The following PNPLA7 variants were observed in gnomAD, a reference collection of about 807,000 sequenced individuals.
The protein encoded by PNPLA7 is patatin-like phospholipase domain-containing protein 7.
In PNPLA7, 153 loss-of-function variants were observed where a neutral mutation model predicts 161.7. That is an observed-to-expected ratio of 0.95 (90% CI 0.83 to 1.08). PNPLA7 has a LOEUF of 1.08. Among genes scored for constraint, PNPLA7 ranks in the 50% least tolerant of loss-of-function variants. PNPLA7 has a pLI of 0.00. For synonymous variants in PNPLA7, 809 were observed against 782.1 expected (o/e 1.03, Z -0.57); for missense variants, 1,739 against 1,856.6 (o/e 0.94, Z 1.16).
chr9:137,502,369 C>T (rs529041965), intron 14 of PNPLA7, among the ~76,000 whole-genome samples: 31 of 151,974 alleles, frequency 2.0e-4, no homozygotes, highest in South Asian at 4.2e-4. Context: ...GGAAAATGAT[C>T]GAAAAACAAA....
In PNPLA7 at chr9:137,541,612, G is replaced by A. The variant is rs571295948; in HGVS notation, c.667-890C>T. 2.1e-6 allele frequency: 1 copy of A among 472,854 alleles called. No homozygotes were observed. Among genetic ancestry groups the A allele is most frequent in the Admixed American group, 6.4e-5 (1 of 15,632 alleles). 29.3% of individuals were successfully genotyped at this position (472,854 alleles called of 1,614,324 possible). On this transcript the variant is annotated intron_variant, in intron 7 of 34. Coordinates refer to ENST00000406427, the MANE Select transcript of PNPLA7 (RefSeq NM_001098537.3). The surrounding 1 kb of genome is among the most constrained non-coding windows in gnomAD (Gnocchi z 4.4). The stretch of plus-strand genomic sequence containing the variant: ...ATGAGAACAAGCAATGGGAAGTCTG[G>A]GTCGCAAACTGCCCAGACAGACAAA...
chr9:137,499,741 A>G lies in PNPLA7; in HGVS notation c.1757+950T>C, dbSNP rs930252925. ...CTCGGGGTCCCCAGGCTGAAGCAGC[A>G]ACGGCGCGGTGCCATTTGCTGGATT... On this transcript the variant is annotated intron_variant, in intron 16 of 34. Coordinates refer to ENST00000406427, the MANE Select transcript of PNPLA7 (RefSeq NM_001098537.3). The surrounding 1 kb of genome is among the most constrained non-coding windows in gnomAD (Gnocchi z 5.5). Among the ~76,000 whole-genome samples the G allele has an allele frequency of 1.3e-5, 2 of 152,188 alleles. No homozygotes were observed. Among genetic ancestry groups the G allele is most frequent in the African/African-American group, 2.4e-5 (1 of 41,432 alleles).
rs976354604 is a variant in PNPLA7, at chr9:137,475,652, G to A, written c.2882+2382C>T. Among the ~76,000 whole-genome samples, 8 of 151,994 alleles carry A rather than the reference G, an allele frequency of 5.3e-5. No homozygotes were observed. In the East Asian group the frequency reaches 1.6e-3, roughly 30 times the overall value. On this transcript the variant is annotated intron_variant, in intron 25 of 34. Coordinates refer to ENST00000406427, the MANE Select transcript of PNPLA7 (RefSeq NM_001098537.3). Reference sequence around the variant, plus strand: ...GCCTCCCAAAGTGCTGGGATTACAGGCGTGAGCCACTGTGCCTGGCTGAGA... The same window carrying A: ...GCCTCCCAAAGTGCTGGGATTACAGACGTGAGCCACTGTGCCTGGCTGAGA...
intron 11 of PNPLA7, among the ~76,000 whole-genome samples, chr9:137,519,195 A>G (rs867655511): frequency 3.3e-5 from 5 of 152,276 alleles, no homozygotes; most frequent in African/African-American, 9.6e-5. Context: ...TTTTGGGAAC[A>G]TGATGGGCTA....
intron 24 of PNPLA7, 93 bp downstream of exon 24, chr9:137,478,963 A>G: frequency 4.3e-6 from 6 of 1,400,094 alleles, no homozygotes; most frequent in Non-Finnish European, 5.7e-6. Context: ...CGCAGGTGTC[A>G]GGGAATCAGG....
intron 33 of PNPLA7, 98 bp downstream of exon 33, chr9:137,461,438 G>A: frequency 7.0e-6 from 9 of 1,290,890 alleles, no homozygotes; most frequent in Non-Finnish European, 9.5e-6. Context: ...GTGGGCGGGA[G>A]GGGAGGCCGT....
rs761257681 is a variant in PNPLA7 at position 137,522,820 on chromosome 9, G to A, written c.785C>T (p.Ala262Val). 16 of 1,613,568 alleles carry A rather than the reference G, an allele frequency of 9.9e-6. No individual in the cohort carries two copies. In the Admixed American group the frequency reaches 1.3e-4, roughly 13 times the overall value. Reference sequence around the variant, plus strand: ...CCGGAGGATGGTGGACGGGATGGCCGCGCGGACGGAGACCGTTTTGTAAGG... The same window carrying A: ...CCGGAGGATGGTGGACGGGATGGCCACGCGGACGGAGACCGTTTTGTAAGG... ...AAPYKTVSVR[A>V]AIPSTILRLP... The change falls in exon 9 of 35, where the codon GCG becomes GTG. Residue 262 changes from alanine to valine, a missense_variant. Physicochemically the swap from Ala to Val is moderately conservative, Grantham distance 64. Coordinates refer to ENST00000406427, the MANE Select transcript of PNPLA7 (RefSeq NM_001098537.3).
chr9:137,492,873 A>C, intron 20 of PNPLA7, 140 bp downstream of exon 20: 1 of 605,288 alleles, frequency 1.7e-6, no homozygotes, highest in Non-Finnish European at 2.7e-6. Flanking sequence ...ATGACAGGGA[A>C]GGGCCATGGA....
chr9:137,462,017 T>TG lies in PNPLA7; in HGVS notation c.3669dup (p.Thr1224HisfsTer4). The TG allele has an allele frequency of 6.2e-7, 1 of 1,601,230 alleles. No individual in the cohort carries two copies. The highest frequency in any genetic ancestry group is 8.5e-7 in the Non-Finnish European group (1 of 1,175,424). ...CTGCGGCCCCAGATGTCAAACACCGTGCGCCCGTGCTGGTAGCCCACTTCC... is the reference window on the plus strand; with the variant it reads ...CTGCGGCCCCAGATGTCAAACACCGTGGCGCCCGTGCTGGTAGCCCACTTCC... On this transcript the variant is annotated frameshift_variant, in exon 32 of 35. Transcript: ENST00000406427. LOFTEE classifies it high-confidence loss of function.
At chr9:137,522,901 A>G in intron 8 of PNPLA7, 44 bp from the exon 9 acceptor site, 1 of 1,604,464 alleles carries the variant, frequency 6.2e-7, no homozygotes, top group Non-Finnish European at 8.5e-7. Context: ...GGGCCTGGCC[A>G]ACCCCCCAGG....
At chr9:137,498,381 G>A in intron 16 of PNPLA7, 136 bp from the exon 17 acceptor site, 1 of 1,324,790 alleles carries the variant, frequency 7.5e-7, no homozygotes, top group Non-Finnish European at 1.0e-6. Flanking sequence ...GGCAGGGGCT[G>A]GGACGGGGCA....
rs144211059 is a variant in PNPLA7, at chr9:137,479,179, G to A, written c.2640C>T (p.His880=). The A allele has an allele frequency of 6.4e-5, 101 of 1,566,052 alleles. No individual in the cohort carries two copies. In the African/African-American group the frequency reaches 1.1e-3, roughly 18 times the overall value. Residue 880 remains histidine, a synonymous_variant, in exon 24 of 35, where the codon CAC becomes CAT. Transcript: ENST00000406427. The part of the protein sequence containing the change: ...VRAQKQLILL[H]REEGPAPART... Reference sequence around the variant, plus strand: ...GCGCTGGCGCCGGGCCCTCCTCCCTGTGCAGCAGGATCAGCTGCTTCTGGG... The same window carrying A: ...GCGCTGGCGCCGGGCCCTCCTCCCTATGCAGCAGGATCAGCTGCTTCTGGG...
intron 12 of PNPLA7, among the ~76,000 whole-genome samples, chr9:137,510,841 T>C (rs1233952376): frequency 6.6e-6 from 1 of 152,192 alleles, no homozygotes; most frequent in African/African-American, 2.4e-5. Flanking sequence ...TGCCGAGGCA[T>C]GAGACTGAAG....
chr9:137,489,599 T>C (rs142026146), intron 20 of PNPLA7, among the ~76,000 whole-genome samples: 4 of 152,294 alleles, frequency 2.6e-5, no homozygotes, highest in Middle Eastern at 3.4e-3. Flanking sequence ...GCTGTTATCA[T>C]TACCAGCTAG....
rs567475525 is a variant in PNPLA7, at chr9:137,507,113, C to T, written c.1226-1030G>A. On this transcript the variant is annotated intron_variant, in intron 12 of 34. Coordinates refer to ENST00000406427, the MANE Select transcript of PNPLA7 (RefSeq NM_001098537.3). ...AAGGGGCGCATGTCTCCGAGGCTTA[C>T]GCTGAGGGTGCGCTGGTCGGGTTTC... Among the ~76,000 whole-genome samples, 5 of 152,360 alleles carry T rather than the reference C, an allele frequency of 3.3e-5. No individual in the cohort carries two copies. The East Asian group carries it at 5.8e-4, about 18-fold the overall frequency.
chr9:137,463,645 G>A (rs1349439587), intron 28 of PNPLA7, 114 bp from the exon 29 acceptor site: 3 of 733,404 alleles, frequency 4.1e-6, no homozygotes, highest in Admixed American at 5.3e-5. Flanking sequence ...CTCTGAGGCC[G>A]CCTCCACAGA....
At chr9:137,516,548 C>T in intron 11 of PNPLA7, 1 of 985,074 alleles carries the variant, frequency 1.0e-6, no homozygotes, top group Non-Finnish European at 1.2e-6. Flanking sequence ...GTGGCTCACA[C>T]CTGTAATCCA....
intron 21 of PNPLA7, among the ~76,000 whole-genome samples, chr9:137,481,243 C>T (rs1013057339): frequency 1.3e-5 from 2 of 152,226 alleles, no homozygotes; most frequent in African/African-American, 2.4e-5. Context: ...GGGGAAGGGC[C>T]TGTGGCCTGA....
chr9:137,516,507 T>C (rs543324518), intron 11 of PNPLA7: 5 of 985,202 alleles, frequency 5.1e-6, no homozygotes, highest in Admixed American at 6.1e-5. Flanking sequence ...CAATGACACA[T>C]ACTCTAAAAT....
Sources: gnomAD v4.1 joint callset for allele counts (sites outside exome capture counted in the v4.1 genomes callset) on GRCh38, gnomAD v4.1.1 for gene constraint, Gnocchi (gnomAD v3.1) non-coding constraint, MANE v1.5 for transcripts, NCBI Gene and HGNC (gene_info 2026-07-23, HGNC 2026-07-21) for gene names.